Variants in MAN2A1 observed in about 807,000 individuals in gnomAD.
MAN2A1 encodes the protein alpha-mannosidase 2.
In MAN2A1, 76 loss-of-function variants were observed where a neutral mutation model predicts 142.6. The observed-to-expected ratio is 0.53, with a 90% CI of 0.44 to 0.65. The LOEUF is 0.65. Ranked by LOEUF, MAN2A1 falls within the 30% of genes least tolerant of loss-of-function variation. The pLI, the probability that MAN2A1 is intolerant of heterozygous loss-of-function variation, is 0.00. For synonymous variants in MAN2A1, 559 were observed against 473.2 expected (o/e 1.18, Z -2.35); for missense variants, 1,311 against 1,365.1 (o/e 0.96, Z 0.62).
intron 4 of MAN2A1, among the ~76,000 whole-genome samples, chr5:109,735,878 GTTTTTT>G (rs35796131): frequency 1.0e-5 from 1 of 98,404 alleles, no homozygotes; most frequent in African/African-American, 4.2e-5. Flanking sequence ...TTCCATTGGA[GTTTTTT>G]TTTTTTTTTT....
In MAN2A1 at chr5:109,729,517, T is replaced by G. The variant is rs879449607; in HGVS notation, c.707+4T>G. The G allele has an allele frequency of 1.8e-5, 27 of 1,467,500 alleles. No homozygotes were observed. The highest frequency in any genetic ancestry group is 2.4e-5 in the Non-Finnish European group (27 of 1,103,692). The allele number at this position is 1,467,500 out of a possible 1,614,324, so 90.9% of individuals were successfully genotyped here. A position where few individuals can be genotyped will look rare whatever the true frequency, so the allele number is the denominator to read the frequency against. The stretch of plus-strand genomic sequence containing the variant: ...AGAAGAAGGATGCTGTTAAAAGGTT[T>G]GTTTTAAAACTTTTTTGGAATTTGG... On this transcript the variant is annotated splice_donor_region_variant and intron_variant, in intron 4 of 21. Transcript: ENST00000261483.
chr5:109,788,539 C>T (rs1299412892), intron 10 of MAN2A1, among the ~76,000 whole-genome samples: 2 of 151,916 alleles, frequency 1.3e-5, no homozygotes, highest in South Asian at 2.1e-4. Context: ...TGAATTATCT[C>T]ATGTTTTTAT....
intron 1 of MAN2A1, among the ~76,000 whole-genome samples, chr5:109,710,079 A>G (rs1751252358): frequency 1.3e-5 from 2 of 152,206 alleles, no homozygotes; most frequent in African/African-American, 4.8e-5. Flanking sequence ...ACCGCATAAT[A>G]TAATTTTAAA....
At chr5:109,749,045 G>C (rs1752480334) in intron 4 of MAN2A1, among the ~76,000 whole-genome samples, 1 of 151,922 alleles carries the variant, frequency 6.6e-6, no homozygotes, top group African/African-American at 2.4e-5. Flanking sequence ...TAAAATTTAA[G>C]AATGAAATAC....
chr5:109,836,401 C>G (rs1036556879), intron 16 of MAN2A1, among the ~76,000 whole-genome samples: 1 of 151,540 alleles, frequency 6.6e-6, no homozygotes, highest in African/African-American at 2.4e-5. Context: ...CAGGCATGAG[C>G]CACCGCACCG....
intron 17 of MAN2A1, among the ~76,000 whole-genome samples, chr5:109,844,560 C>T (rs571584569): frequency 4.6e-5 from 7 of 151,878 alleles, no homozygotes; most frequent in East Asian, 3.9e-4. Flanking sequence ...AATGGAATCA[C>T]GTAAAACAAC....
chr5:109,695,315 G>A (rs1300912591), intron 1 of MAN2A1, among the ~76,000 whole-genome samples: 1 of 152,142 alleles, frequency 6.6e-6, no homozygotes, highest in Non-Finnish European at 1.5e-5. Flanking sequence ...TGTCACAATT[G>A]TATTATTGGA....
intron 4 of MAN2A1, among the ~76,000 whole-genome samples, chr5:109,738,064 T>C (rs1314882600): frequency 2.0e-5 from 3 of 152,186 alleles, no homozygotes; most frequent in Non-Finnish European, 2.9e-5. Context: ...CTTCATCTAA[T>C]GTTTCTTGGA....
At chr5:109,852,210 A>C (rs1755501329) in intron 19 of MAN2A1, among the ~76,000 whole-genome samples, 1 of 151,438 alleles carries the variant, frequency 6.6e-6, no homozygotes. Context: ...AATCTGCCCC[A>C]CAGTCTTCAG....
chr5:109,847,521 G>A, intron 18 of MAN2A1, 136 bp from the exon 19 acceptor site: 1 of 645,696 alleles, frequency 1.5e-6, no homozygotes, highest in South Asian at 3.8e-5. Flanking sequence ...GGTGTAGTGG[G>A]TTGTATAAAT....
At chr5:109,840,818 G>C (rs529925007) in intron 16 of MAN2A1, 1 of 226,374 alleles carries the variant, frequency 4.4e-6, no homozygotes, top group East Asian at 1.6e-4. Flanking sequence ...GAGTCCTGAG[G>C]AGAAGCCTTG....
rs1043513873 is a variant in MAN2A1, at chr5:109,726,242, A to G, written c.536-3100A>G. ...ATGTCATGAAAATTCATCCCCTACCACTTTTTATAAAATACTATATTTCTG... is the reference window on the plus strand; with the variant it reads ...ATGTCATGAAAATTCATCCCCTACCGCTTTTTATAAAATACTATATTTCTG... On this transcript the variant is annotated intron_variant, in intron 3 of 21. Transcript: ENST00000261483. Among the ~76,000 whole-genome samples the G allele has an allele frequency of 5.9e-5, 9 of 152,298 alleles. No individual in the cohort carries two copies. In the East Asian group the frequency reaches 1.5e-3, roughly 26 times the overall value.
At chr5:109,797,946 A>G (rs1168222876) in intron 12 of MAN2A1, among the ~76,000 whole-genome samples, 5 of 152,202 alleles carry the variant, frequency 3.3e-5, no homozygotes, top group African/African-American at 1.2e-4. Flanking sequence ...GAAAACACTT[A>G]TACCACAGGC....
chr5:109,777,966 A>G (rs1179727908), intron 8 of MAN2A1, among the ~76,000 whole-genome samples: 1 of 152,074 alleles, frequency 6.6e-6, no homozygotes. Context: ...GTTTTATAAT[A>G]GGTTTTAATA....
intron 12 of MAN2A1, among the ~76,000 whole-genome samples, chr5:109,799,722 C>T (rs1239307892): frequency 6.6e-6 from 1 of 151,410 alleles, no homozygotes; most frequent in Admixed American, 6.6e-5. Context: ...CCATGGCACT[C>T]CAGCCTAGGC....
At chr5:109,796,995 G>T (rs1312606735) in intron 12 of MAN2A1, among the ~76,000 whole-genome samples, 1 of 152,214 alleles carries the variant, frequency 6.6e-6, no homozygotes, top group African/African-American at 2.4e-5. Context: ...CACAGTAGGT[G>T]TTCAACAAAT....
At chr5:109,739,810 A>G (rs1187890453) in intron 4 of MAN2A1, among the ~76,000 whole-genome samples, 4 of 152,162 alleles carry the variant, frequency 2.6e-5, no homozygotes, top group Non-Finnish European at 5.9e-5. Context: ...CTCTCACCCA[A>G]GGAAGTCAGC....
chr5:109,811,488 G>T (rs943578594), intron 12 of MAN2A1, among the ~76,000 whole-genome samples: 1 of 151,594 alleles, frequency 6.6e-6, no homozygotes, highest in Non-Finnish European at 1.5e-5. Flanking sequence ...CATTTTCTGC[G>T]TATATTATAC....
intron 1 of MAN2A1, among the ~76,000 whole-genome samples, chr5:109,707,716 G>T (rs146782668): frequency 1.4e-3 from 211 of 152,260 alleles, no homozygotes; most frequent in African/African-American, 4.8e-3. Context: ...GGGTAGGGTG[G>T]GGAGGAGCTG....
Sources: gnomAD v4.1 joint callset for allele counts (sites outside exome capture counted in the v4.1 genomes callset) on GRCh38, gnomAD v4.1.1 for gene constraint, MANE v1.5 for transcripts, NCBI Gene and HGNC (gene_info 2026-07-23, HGNC 2026-07-21) for gene names.